SEMA3A: variants seen among roughly 807,000 people sequenced by gnomAD.
The protein encoded by SEMA3A is semaphorin 3A.
In SEMA3A, 29 loss-of-function variants were observed where a neutral mutation model predicts 97.9. The ratio of observed to expected loss-of-function variants is 0.30; its 90% CI spans 0.22 to 0.40. SEMA3A has a LOEUF of 0.40. Among genes scored for constraint, SEMA3A ranks in the 10% least tolerant of loss-of-function variants. The pLI, the probability that SEMA3A is intolerant of heterozygous loss-of-function variation, is 1.00. For synonymous variants in SEMA3A, 321 were observed against 323.7 expected, an observed-to-expected ratio of 0.99 and a Z score of 0.09; for missense variants, 763 against 951.3, an observed-to-expected ratio of 0.80 and a Z score of 2.60.
chr7:84,299,670 A>T (rs1443226799), intron 3 of SEMA3A, among the ~76,000 whole-genome samples: 1 of 151,774 alleles, frequency 6.6e-6, no homozygotes, highest in African/African-American at 2.4e-5. Flanking sequence ...AAAATCTCTA[A>T]TATAAAGAGA....
intron 3 of SEMA3A, among the ~76,000 whole-genome samples, chr7:84,118,556 G>T (rs1330408966): frequency 6.6e-6 from 1 of 152,122 alleles, no homozygotes; most frequent in Non-Finnish European, 1.5e-5. Context: ...AGGTCCTCTG[G>T]CTTCCACCAA....
intron 2 of SEMA3A, among the ~76,000 whole-genome samples, chr7:84,336,409 T>TC (rs1802039621): frequency 6.6e-6 from 1 of 151,820 alleles, no homozygotes; most frequent in African/African-American, 2.4e-5. Context: ...TCTTCTTTTT[T>TC]CCCCCCAGAG....
intron 1 of SEMA3A, among the ~76,000 whole-genome samples, chr7:84,379,726 C>T (rs932851222): frequency 9.2e-5 from 14 of 152,192 alleles, no homozygotes; most frequent in Middle Eastern, 3.4e-3. Flanking sequence ...AAAACTAAAG[C>T]TCTTTGTTCA....
intron 3 of SEMA3A, among the ~76,000 whole-genome samples, chr7:84,210,444 G>A (rs976060972): frequency 1.8e-4 from 28 of 152,082 alleles, no homozygotes; most frequent in Admixed American, 1.1e-3. Context: ...ATAGGAGAGC[G>A]TGTGTGAGTG....
At chr7:84,135,562 A>G (rs1003407233) in intron 1 of SEMA3A, among the ~76,000 whole-genome samples, 4 of 152,210 alleles carry the variant, frequency 2.6e-5, no homozygotes, top group African/African-American at 9.6e-5. Context: ...AGACTGATCA[A>G]TATTGTGTAT....
intron 1 of SEMA3A, among the ~76,000 whole-genome samples, chr7:84,424,628 T>TATAA (rs752468289): frequency 0.19 from 8,505 of 45,138 alleles, 832 homozygotes; most frequent in East Asian, 0.33. Flanking sequence ...ATATATAATA[T>TATAA]ATATACAATA....
At chr7:84,466,039 C>A (rs1805985680) in intron 1 of SEMA3A, among the ~76,000 whole-genome samples, 1 of 152,154 alleles carries the variant, frequency 6.6e-6, no homozygotes, top group South Asian at 2.1e-4. Context: ...ATGCCAATCA[C>A]ATTTTTTAAT....
At chr7:84,080,907 T>C (rs993974097) in intron 4 of SEMA3A, among the ~76,000 whole-genome samples, 9 of 152,084 alleles carry the variant, frequency 5.9e-5, no homozygotes, top group Admixed American at 4.6e-4. Context: ...TACTTTAATC[T>C]CTGTGATTAA....
chr7:84,323,674 T>C (rs1193312063), intron 2 of SEMA3A, among the ~76,000 whole-genome samples: 2 of 152,166 alleles, frequency 1.3e-5, no homozygotes, highest in Non-Finnish European at 1.5e-5. Flanking sequence ...TCTTTAAAAA[T>C]GGAAAGCTTA....
At chr7:84,336,844 G>T (rs970679498) in intron 2 of SEMA3A, among the ~76,000 whole-genome samples, 5 of 152,218 alleles carry the variant, frequency 3.3e-5, no homozygotes, top group African/African-American at 9.6e-5. Flanking sequence ...AGTCTGTCTA[G>T]GTTGAAGTAT....
intron 1 of SEMA3A, among the ~76,000 whole-genome samples, chr7:84,379,826 A>G (rs767575557): frequency 6.6e-5 from 10 of 152,240 alleles, no homozygotes; most frequent in Non-Finnish European, 1.5e-4. Context: ...TACTGCTTAC[A>G]GTATTTTTCA....
At chr7:84,381,357 C>T (rs1048889007) in intron 1 of SEMA3A, among the ~76,000 whole-genome samples, 8 of 152,260 alleles carry the variant, frequency 5.3e-5, no homozygotes, top group Admixed American at 2.0e-4. Context: ...ATTCCAACCT[C>T]ATCCATATAA....
chr7:84,103,125 G>C (rs964434880), intron 4 of SEMA3A, among the ~76,000 whole-genome samples: 5 of 152,058 alleles, frequency 3.3e-5, no homozygotes, highest in African/African-American at 1.2e-4. Flanking sequence ...CATAGTCCTA[G>C]TACCCAGAAG....
chr7:84,251,964 G>T (rs1006810694), intron 3 of SEMA3A, among the ~76,000 whole-genome samples: 1 of 151,994 alleles, frequency 6.6e-6, no homozygotes, highest in Non-Finnish European at 1.5e-5. Context: ...ATTTGGAGGG[G>T]GAATTATTCT....
At chr7:84,150,041 A>G (rs1262180560) in intron 1 of SEMA3A, among the ~76,000 whole-genome samples, 1 of 152,210 alleles carries the variant, frequency 6.6e-6, no homozygotes, top group Non-Finnish European at 1.5e-5. Context: ...TATCTTTGTC[A>G]ATCACATCTT....
chr7:84,064,464 C>T (rs1311151057), intron 4 of SEMA3A, among the ~76,000 whole-genome samples: 1 of 152,136 alleles, frequency 6.6e-6, no homozygotes, highest in Non-Finnish European at 1.5e-5. Flanking sequence ...AATTAAAAGA[C>T]ACAGACTGGC....
chr7:84,224,583 T>C (rs1433382477), intron 3 of SEMA3A, among the ~76,000 whole-genome samples: 2 of 152,064 alleles, frequency 1.3e-5, no homozygotes, highest in African/African-American at 4.8e-5. Context: ...CATTATGAAC[T>C]ATACACAATC....
chr7:84,255,951 A>C (rs1455639722), intron 3 of SEMA3A, among the ~76,000 whole-genome samples: 1 of 152,024 alleles, frequency 6.6e-6, no homozygotes. Context: ...GAGATTTATA[A>C]TCCTTTCCCC....
At chr7:84,473,377 A>G (rs950648352) in intron 1 of SEMA3A, among the ~76,000 whole-genome samples, 2 of 148,386 alleles carry the variant, frequency 1.3e-5, no homozygotes, top group African/African-American at 2.5e-5. Context: ...TTTTTGTATT[A>G]TTATTATTAT....
Sources: allele counts gnomAD v4.1 joint callset (sites outside exome capture counted in the v4.1 genomes callset), GRCh38; gene constraint gnomAD v4.1.1; transcripts MANE v1.5; gene names NCBI Gene and HGNC (gene_info 2026-07-23, HGNC 2026-07-21).